The following KDM4C variants were observed in gnomAD, a reference collection of about 807,000 sequenced individuals.
The protein encoded by KDM4C is lysine-specific demethylase 4C.
In KDM4C, 81 loss-of-function variants were observed where a neutral mutation model predicts 129.3. That is an observed-to-expected ratio of 0.63 (90% CI 0.52 to 0.75). KDM4C has a LOEUF of 0.75. KDM4C is among the 30% of genes least tolerant of loss of function. The pLI, the probability that KDM4C is intolerant of heterozygous loss-of-function variation, is 0.00. For missense variants in KDM4C, 1,457 were observed against 1,304.0 expected, an observed-to-expected ratio of 1.12 and a Z score of -1.81; for synonymous variants, 573 against 456.1, an observed-to-expected ratio of 1.26 and a Z score of -3.26.
intron 8 of KDM4C, among the ~76,000 whole-genome samples, chr9:6,926,350 A>AAAAAAAAAAAAAAAAAG (rs1822548932): frequency 6.6e-6 from 1 of 150,902 alleles, no homozygotes; most frequent in South Asian, 2.1e-4. Flanking sequence ...GTAAAAAAAA[A>AAAAAAAAAAAAAAAAAG]AAAAAGGACC....
At chr9:7,051,893 G>A (rs183117190) in intron 17 of KDM4C, among the ~76,000 whole-genome samples, 73 of 152,276 alleles carry the variant, frequency 4.8e-4, no homozygotes, top group African/African-American at 1.6e-3. Flanking sequence ...ACATTTTAGA[G>A]CAGATAATTC....
At chr9:7,118,339 T>C (rs891355086) in intron 18 of KDM4C, among the ~76,000 whole-genome samples, 1 of 152,242 alleles carries the variant, frequency 6.6e-6, no homozygotes, top group Non-Finnish European at 1.5e-5. Context: ...ATATGTGTAT[T>C]TGTGCTGTAA....
At chr9:6,786,283 C>T (rs1378811642) in intron 1 of KDM4C, among the ~76,000 whole-genome samples, 1 of 152,064 alleles carries the variant, frequency 6.6e-6, no homozygotes, top group Admixed American at 6.5e-5. Flanking sequence ...GATGTTTGTC[C>T]TTTATCATAA....
At chr9:7,081,428 G>T (rs1834509434) in intron 17 of KDM4C, among the ~76,000 whole-genome samples, 1 of 152,168 alleles carries the variant, frequency 6.6e-6, no homozygotes, top group Non-Finnish European at 1.5e-5. Flanking sequence ...ATTCCTACCA[G>T]TGCCCCATCC....
At chr9:7,157,670 A>G (rs146569086) in intron 19 of KDM4C, among the ~76,000 whole-genome samples, 1,602 of 152,300 alleles carry the variant, frequency 0.011, 27 homozygotes, top group African/African-American at 0.036. Context: ...TGATTTGCGT[A>G]TGTTGAACCA....
At chr9:6,776,901 C>G (rs576436865) in intron 1 of KDM4C, among the ~76,000 whole-genome samples, 59 of 152,336 alleles carry the variant, frequency 3.9e-4, no homozygotes, top group African/African-American at 1.4e-3. Context: ...CGTGCTGGGC[C>G]TCAATCCCAC....
intron 17 of KDM4C, among the ~76,000 whole-genome samples, chr9:7,076,136 C>A (rs1833882403): frequency 6.6e-6 from 1 of 152,046 alleles, no homozygotes; most frequent in African/African-American, 2.4e-5. Flanking sequence ...TTTGCCAGGC[C>A]CAGTTCTGGC....
chr9:7,172,235 C>G (rs762361584), intron 21 of KDM4C, among the ~76,000 whole-genome samples: 2 of 152,206 alleles, frequency 1.3e-5, no homozygotes, highest in Admixed American at 1.3e-4. Context: ...CCCAGACACA[C>G]GCTGACTGGG....
chr9:7,000,494 T>G (rs535881284), intron 12 of KDM4C, among the ~76,000 whole-genome samples: 2 of 152,330 alleles, frequency 1.3e-5, no homozygotes, highest in South Asian at 4.1e-4. Context: ...TGTTATTTTT[T>G]TAAAATTAAC....
At chr9:7,013,407 C>G (rs1331722514) in intron 13 of KDM4C, among the ~76,000 whole-genome samples, 4 of 152,112 alleles carry the variant, frequency 2.6e-5, no homozygotes, top group African/African-American at 9.7e-5. Context: ...AAACTGGGGT[C>G]TTTGTACACT....
intron 17 of KDM4C, among the ~76,000 whole-genome samples, chr9:7,078,054 A>G (rs898897673): frequency 6.6e-6 from 1 of 152,242 alleles, no homozygotes; most frequent in Non-Finnish European, 1.5e-5. Flanking sequence ...TTGATGAGAA[A>G]AAAATTAAAG....
At chr9:6,939,434 A>G (rs879728436) in intron 8 of KDM4C, among the ~76,000 whole-genome samples, 1 of 152,120 alleles carries the variant, frequency 6.6e-6, no homozygotes, top group Admixed American at 6.5e-5. Context: ...ATTTCATTAT[A>G]TATTACAGTG....
chr9:6,944,907 A>G (rs1826668065), intron 8 of KDM4C, among the ~76,000 whole-genome samples: 1 of 152,136 alleles, frequency 6.6e-6, no homozygotes, highest in Admixed American at 6.5e-5. Flanking sequence ...TAGCAAAAAC[A>G]TGGGAGTTAC....
At chr9:6,947,256 T>C (rs563445979) in intron 8 of KDM4C, among the ~76,000 whole-genome samples, 10 of 152,314 alleles carry the variant, frequency 6.6e-5, no homozygotes, top group Non-Finnish European at 1.3e-4. Flanking sequence ...GAAAGCTATT[T>C]TTTTCTAATT....
At chr9:6,902,129 G>C (rs1486447870) in intron 8 of KDM4C, among the ~76,000 whole-genome samples, 1 of 152,104 alleles carries the variant, frequency 6.6e-6, no homozygotes, top group African/African-American at 2.4e-5. Flanking sequence ...TGAATTTTGA[G>C]TTCCAAAACA....
intron 17 of KDM4C, among the ~76,000 whole-genome samples, chr9:7,063,562 G>C (rs1024362754): frequency 7.2e-5 from 11 of 152,198 alleles, no homozygotes; most frequent in Non-Finnish European, 4.4e-5. Flanking sequence ...TATGTAGTTA[G>C]GTGATAAAGT....
intron 8 of KDM4C, chr9:6,893,506 C>T: frequency 8.7e-6 from 2 of 229,242 alleles, no homozygotes; most frequent in Non-Finnish European, 1.7e-5. Context: ...TTGAGGCCTC[C>T]AGTTGGTGTT....
At chr9:6,997,125 A>C (rs1232895976) in intron 12 of KDM4C, among the ~76,000 whole-genome samples, 1 of 152,132 alleles carries the variant, frequency 6.6e-6, no homozygotes, top group Non-Finnish European at 1.5e-5. Context: ...CGCATGGAGG[A>C]ATTGTTTTGA....
intron 17 of KDM4C, among the ~76,000 whole-genome samples, chr9:7,100,813 G>A (rs775432038): frequency 3.3e-5 from 5 of 151,468 alleles, no homozygotes; most frequent in Non-Finnish European, 5.9e-5. Flanking sequence ...TTGGTTTGGG[G>A]TGGCTCTGAG....
Sources: allele counts gnomAD v4.1 joint callset (sites outside exome capture counted in the v4.1 genomes callset), GRCh38; gene constraint gnomAD v4.1.1; transcripts MANE v1.5; gene names NCBI Gene and HGNC (gene_info 2026-07-23, HGNC 2026-07-21).